HIGD1C: variants seen among roughly 807,000 people sequenced by gnomAD.
HIGD1C encodes HIG1 domain family member 1C.
HIGD1C carries 11 observed loss-of-function variants against 13.1 expected under a neutral mutation model. The ratio of observed to expected loss-of-function variants is 0.84; its 90% CI spans 0.53 to 1.39. The LOEUF (loss-of-function observed/expected upper bound fraction) is 1.39, where lower values mean the gene tolerates loss of function less well. HIGD1C is among the 40% of genes most tolerant of loss of function. The pLI is 0.00. For synonymous variants in HIGD1C, 36 were observed against 37.7 expected, an observed-to-expected ratio of 0.95 and a Z score of 0.17; for missense variants, 110 against 112.0, an observed-to-expected ratio of 0.98 and a Z score of 0.08.
chr12:50,934,855 T>C, the HIGD1C span: 2 of 152,188 alleles, frequency 1.3e-5, no homozygotes, highest in Non-Finnish European at 2.9e-5. Context: ...TCCTAAATCT[T>C]GTTAAGACCC....
the HIGD1C span, chr12:50,931,948 CAAG>C: frequency 1.3e-5 from 2 of 152,256 alleles, no homozygotes; most frequent in Non-Finnish European, 2.9e-5. Flanking sequence ...AATTAACATA[CAAG>C]GTTGCCACAC....
At chr12:50,962,581 CA>C (rs1312954591) in intron 2 of HIGD1C, among the ~76,000 whole-genome samples, 2 of 151,298 alleles carry the variant, frequency 1.3e-5, no homozygotes, top group Non-Finnish European at 2.9e-5. Flanking sequence ...CCTGTAGTCA[CA>C]GCTACTTGGG....
chr12:50,967,781 C>T (rs996949338), intron 2 of HIGD1C, among the ~76,000 whole-genome samples: 7 of 152,062 alleles, frequency 4.6e-5, no homozygotes, highest in African/African-American at 1.4e-4. Context: ...CTGTATCAGT[C>T]AAGATTCAGA....
At chr12:50,964,776 CAG>C (rs1425329509) in intron 2 of HIGD1C, among the ~76,000 whole-genome samples, 1 of 152,228 alleles carries the variant, frequency 6.6e-6, no homozygotes, top group African/African-American at 2.4e-5. Flanking sequence ...ATCTGGATAG[CAG>C]AGTGACCACC....
chr12:50,954,070 A>G (rs1290245982), exon 1 of HIGD1C: 1 of 1,611,182 alleles, frequency 6.2e-7, no homozygotes, highest in Non-Finnish European at 8.5e-7. Context: ...GGAAATCTAG[A>G]GACTCCCCCT....
At chr12:50,937,085 A>T in the HIGD1C span, among the ~76,000 whole-genome samples, 1 of 152,262 alleles carries the variant, frequency 6.6e-6, no homozygotes, top group Non-Finnish European at 1.5e-5. Context: ...GTGCTCAAAA[A>T]GTATTTACTG....
chr12:50,958,571 G>A (rs1015052496), intron 1 of HIGD1C, among the ~76,000 whole-genome samples: 6 of 151,702 alleles, frequency 4.0e-5, no homozygotes, highest in Middle Eastern at 3.4e-3. Flanking sequence ...GTGAGCCACC[G>A]CGCCCGGCCT....
In HIGD1C at chr12:50,969,113, G is replaced by A. The variant is rs370314606; in HGVS notation, c.230-1329G>A. On this transcript the variant is annotated intron_variant, in intron 2 of 2. Coordinates refer to ENST00000398455, the Ensembl canonical transcript of HIGD1C. The stretch of plus-strand genomic sequence containing the variant: ...AGTTCGAGACCAGCCTGGCCTACAT[G>A]GTGAAACCCCATCTCTACTAAAAAT... Among the ~76,000 whole-genome samples the A allele has an allele frequency of 5.9e-5, 9 of 151,414 alleles. No homozygotes were observed. The East Asian group carries it at 6.0e-4, about 10-fold the overall frequency.
intron 1 of HIGD1C, among the ~76,000 whole-genome samples, chr12:50,957,313 C>T (rs1048145733): frequency 3.6e-4 from 54 of 151,864 alleles, no homozygotes; most frequent in Non-Finnish European, 5.3e-4. Context: ...TGGGCTCAAG[C>T]GATTCTCGTG....
intron 1 of HIGD1C, among the ~76,000 whole-genome samples, chr12:50,954,755 C>G (rs1233063010): frequency 6.6e-6 from 1 of 151,988 alleles, no homozygotes; most frequent in Admixed American, 6.6e-5. Context: ...AACAAAAAAC[C>G]AAAAACTTCT....
At chr12:50,942,549 TA>T in the HIGD1C span, among the ~76,000 whole-genome samples, 1 of 152,242 alleles carries the variant, frequency 6.6e-6, no homozygotes, top group Non-Finnish European at 1.5e-5. Flanking sequence ...GCTTTCAGGT[TA>T]ATTTTCAAAA....
the HIGD1C span, among the ~76,000 whole-genome samples, chr12:50,941,481 A>C: frequency 6.6e-6 from 1 of 152,162 alleles, no homozygotes; most frequent in African/African-American, 2.4e-5. Flanking sequence ...TAAAAACATG[A>C]GAATTAGGTA....
At chr12:50,972,317 G>A (rs1251049200), downstream of HIGD1C, among the ~76,000 whole-genome samples, 2 of 152,200 alleles carry the variant, frequency 1.3e-5, no homozygotes, top group Non-Finnish European at 2.9e-5. Context: ...GAAAGCTAAA[G>A]TAATATATTT....
intron 2 of HIGD1C, among the ~76,000 whole-genome samples, chr12:50,968,130 A>T (rs979928216): frequency 6.7e-6 from 1 of 148,970 alleles, no homozygotes; most frequent in Non-Finnish European, 1.5e-5. Flanking sequence ...GAGGAGGAGA[A>T]TGAGGAGGAG....
At chr12:50,963,307 C>T (rs765200356) in intron 2 of HIGD1C, among the ~76,000 whole-genome samples, 1 of 139,198 alleles carries the variant, frequency 7.2e-6, no homozygotes, top group Non-Finnish European at 1.5e-5. Context: ...GAAGCGGAGG[C>T]TGCAGTGAAC....
exon 1 of HIGD1C, chr12:50,953,928 A>C: frequency 2.3e-6 from 2 of 869,674 alleles, no homozygotes; most frequent in Non-Finnish European, 3.8e-6. Context: ...GTATGATGGG[A>C]GAGGAAAAAC....
the HIGD1C span, among the ~76,000 whole-genome samples, chr12:50,941,625 T>C: frequency 2.0e-5 from 3 of 152,130 alleles, no homozygotes; most frequent in African/African-American, 7.2e-5. Flanking sequence ...AAACGTACCA[T>C]TTCAGGAGGA....
In HIGD1C at chr12:50,966,219, T is replaced by C. The variant is rs377643039; in HGVS notation, c.230-4223T>C. On this transcript the variant is annotated intron_variant, in intron 2 of 2. Transcript: ENST00000398455. ...TTAGGGAGCCCAGCAGTTTGCACTG[T>C]CATTTCTGGCATACAGAGAACAGTC... 1.4e-4 allele frequency among the ~76,000 whole-genome samples: 22 copies of C among 152,306 alleles called. No homozygotes were observed. The East Asian group carries it at 4.2e-3, about 29-fold the overall frequency.
At chr12:50,931,245 TGA>T in the HIGD1C span, 1 of 152,116 alleles carries the variant, frequency 6.6e-6, no homozygotes, top group Admixed American at 6.5e-5. Context: ...ATCTTCTCTT[TGA>T]GAGCTTGGTA....
Sources: allele counts gnomAD v4.1 joint callset (sites outside exome capture counted in the v4.1 genomes callset), GRCh38; gene constraint gnomAD v4.1.1; transcripts MANE v1.5; gene names NCBI Gene and HGNC (gene_info 2026-07-23, HGNC 2026-07-21).